ELK3: variants seen among roughly 807,000 people sequenced by gnomAD.
ELK3 encodes ETS transcription factor ELK3, also known as ETS domain-containing protein Elk-3.
ELK3 carries 10 observed loss-of-function variants against 28.9 expected under a neutral mutation model. The observed-to-expected ratio is 0.35, with a 90% CI of 0.21 to 0.59. The LOEUF is 0.59. ELK3 is among the 20% of genes least tolerant of loss of function. ELK3 has a pLI of 0.82. For missense variants in ELK3, 463 were observed against 517.3 expected (o/e 0.90, Z 1.02); for synonymous variants, 272 against 243.5 (o/e 1.12, Z -1.09).
intron 1 of ELK3, among the ~76,000 whole-genome samples, chr12:96,197,460 G>A (rs142558859): frequency 6.6e-6 from 1 of 152,186 alleles, no homozygotes; most frequent in African/African-American, 2.4e-5. Flanking sequence ...CACGCATTCA[G>A]TCAACAAATA....
At chr12:96,232,641 T>C (rs1951751029) in intron 2 of ELK3, among the ~76,000 whole-genome samples, 2 of 148,670 alleles carry the variant, frequency 1.3e-5, no homozygotes, top group East Asian at 4.0e-4. Context: ...GGGCGGGGAA[T>C]GCTCACACCT....
At chr12:96,221,225 A>G (rs1422006088) in intron 1 of ELK3, among the ~76,000 whole-genome samples, 1 of 152,212 alleles carries the variant, frequency 6.6e-6, no homozygotes, top group African/African-American at 2.4e-5. Flanking sequence ...TGCCCAGAAC[A>G]TGGTCTCTGA....
At chr12:96,223,944 C>G (rs1951681265) in intron 2 of ELK3, 171 bp downstream of exon 2, 1 of 674,302 alleles carries the variant, frequency 1.5e-6, no homozygotes, top group Admixed American at 2.8e-5. Flanking sequence ...TTTCCCCACC[C>G]TCTGGACGCC....
Position 96,246,949 on chromosome 12 carries a change from A to C in ELK3, c.217A>C (p.Lys73Gln). 5 of 1,595,836 alleles carry C rather than the reference A, an allele frequency of 3.1e-6. No homozygotes were observed. The highest frequency in any genetic ancestry group is 4.3e-6 in the Non-Finnish European group (5 of 1,169,044). Residue 73 changes from lysine (K) to glutamine (Q), a missense_variant, in exon 3 of 5, where the codon AAG becomes CAG. Around this residue, in one of 2 missense-constraint regions of ELK3, gnomAD observed 55 missense variants for 102.5 expected, o/e 0.54. Transcript: ENST00000228741. Reference sequence around the variant, plus strand: ...ACTTTTGTATTTGCAGAACATCATCAAGAAGGTGATCGGGCAGAAGTTTGT... The same window carrying C: ...ACTTTTGTATTTGCAGAACATCATCCAGAAGGTGATCGGGCAGAAGTTTGT... ...LRYYYDKNII[K>Q]KVIGQKFVYK...
chr12:96,226,487 C>T (rs1450585073), intron 2 of ELK3, among the ~76,000 whole-genome samples: 2 of 146,130 alleles, frequency 1.4e-5, no homozygotes, highest in Non-Finnish European at 3.0e-5. Context: ...CACATGCACA[C>T]AGAGATGTCC....
rs769599214 is a variant in ELK3 at position 96,247,486 on chromosome 12, C to T, written c.754C>T (p.Leu252Phe). The T allele has an allele frequency of 1.2e-6, 2 of 1,614,160 alleles. No individual in the cohort carries two copies. The highest frequency in any genetic ancestry group is 1.7e-6 in the Non-Finnish European group (2 of 1,180,032). ...CCCGTCCCTGTCCCCCAACTCACCC[C>T]TCCCTTCTGAACACAGAAGCCTCTT... ...RSPSLSPNSP[L>F]PSEHRSLFLE... The change falls in exon 3 of 5, where the codon CTC (leucine) becomes TTC (phenylalanine). Residue 252 changes from leucine (L) to phenylalanine (F), a missense_variant. Around this residue, in one of 2 missense-constraint regions of ELK3, gnomAD observed 408 missense variants for 414.8 expected, o/e 0.98. Transcript: ENST00000228741. The surrounding 1 kb of genome is among the most constrained non-coding windows in gnomAD (Gnocchi z 5.5).
chr12:96,251,707 C>T (rs1300190409), intron 3 of ELK3, among the ~76,000 whole-genome samples: 1 of 152,186 alleles, frequency 6.6e-6, no homozygotes, highest in Non-Finnish European at 1.5e-5. Context: ...CCACAACATT[C>T]CTTTCAGGCT....
At chr12:96,222,124 CT>C (rs1317234328) in intron 1 of ELK3, among the ~76,000 whole-genome samples, 9 of 152,218 alleles carry the variant, frequency 5.9e-5, no homozygotes, top group Non-Finnish European at 8.8e-5. Context: ...GTCTAACCAC[CT>C]TTTTTTAAAT....
intron 3 of ELK3, among the ~76,000 whole-genome samples, chr12:96,257,052 C>G (rs929413444): frequency 1.3e-5 from 2 of 152,256 alleles, no homozygotes; most frequent in Non-Finnish European, 2.9e-5. Context: ...AGCTCCTTAT[C>G]TGCCATGCTT....
At chr12:96,256,885 C>T (rs913720134) in intron 3 of ELK3, among the ~76,000 whole-genome samples, 3 of 152,020 alleles carry the variant, frequency 2.0e-5, no homozygotes, top group Non-Finnish European at 4.4e-5. Context: ...CTCACCCTGG[C>T]GAGCTCAGAT....
Position 96,267,109 on chromosome 12 carries a change from C to T in ELK3, c.1153C>T (p.Pro385Ser). The T allele has an allele frequency of 6.2e-7, 1 of 1,613,552 alleles. No individual in the cohort carries two copies. Among genetic ancestry groups the T allele is most frequent in the East Asian group, 2.2e-5 (1 of 44,872 alleles). ...CCCCACACTGCTTAATGGCCACATG[C>T]CAGTGCCAATCCCCAGTCTGGACAG... Reference protein sequence around the residue: ...QFPTLLNGHMPVPIPSLDRAA... With the variant: ...QFPTLLNGHMSVPIPSLDRAA... Residue 385 changes from proline to serine, a missense_variant, in exon 5 of 5, where the codon CCA (proline) becomes TCA (serine). Physicochemically the swap from Pro to Ser is moderately conservative, Grantham distance 74. This residue lies in a region of ELK3 where 408 missense variants were observed against 414.8 expected (regional missense o/e 0.98). Coordinates refer to ENST00000228741, the MANE Select transcript of ELK3 (RefSeq NM_005230.4).
chr12:96,254,379 T>C lies in ELK3; in HGVS notation c.1003-5352T>C, dbSNP rs1278208218. 3.3e-5 allele frequency among the ~76,000 whole-genome samples: 5 copies of C among 152,232 alleles called. No individual in the cohort carries two copies. In the East Asian group the frequency reaches 9.6e-4, roughly 29 times the overall value. ...AGAGGTATAAGTGAAAAAAATCTCATTAGAATCAACAAATAATTATTGAGC... is the reference window on the plus strand; with the variant it reads ...AGAGGTATAAGTGAAAAAAATCTCACTAGAATCAACAAATAATTATTGAGC... On this transcript the variant is annotated intron_variant, in intron 3 of 4. Transcript: ENST00000228741.
At chr12:96,210,417 C>T (rs1951567825) in intron 1 of ELK3, among the ~76,000 whole-genome samples, 1 of 152,194 alleles carries the variant, frequency 6.6e-6, no homozygotes, top group African/African-American at 2.4e-5. Context: ...GGGATTCCAG[C>T]CTGTCCCTAT....
intron 2 of ELK3, among the ~76,000 whole-genome samples, chr12:96,224,986 T>C (rs1453962627): frequency 6.6e-6 from 1 of 152,204 alleles, no homozygotes; most frequent in Non-Finnish European, 1.5e-5. Context: ...TTGCACGTGA[T>C]TGTGTCATTG....
intron 3 of ELK3, among the ~76,000 whole-genome samples, chr12:96,257,131 G>A (rs1951956236): frequency 6.6e-6 from 1 of 152,194 alleles, no homozygotes; most frequent in African/African-American, 2.4e-5. Context: ...TTTAGCCCTT[G>A]GCCCTCAGGC....
chr12:96,260,393 A>T (rs1230418571), intron 4 of ELK3, among the ~76,000 whole-genome samples: 2 of 152,248 alleles, frequency 1.3e-5, no homozygotes, highest in Non-Finnish European at 2.9e-5. Flanking sequence ...TGAAAATAAA[A>T]ATAGTGAACA....
Position 96,203,128 on chromosome 12 carries a change from G to A in ELK3, c.-3+8423G>A, listed in dbSNP as rs532268476. ...GAACTCCTGACCTCGTGATCCACCC[G>A]CCTCAGCTTCCCAAAGTGCTGGGAT... On this transcript the variant is annotated intron_variant, in intron 1 of 4. Transcript: ENST00000228741. 6.6e-5 allele frequency among the ~76,000 whole-genome samples: 10 copies of A among 152,176 alleles called. No homozygotes were observed. In the South Asian group the frequency reaches 1.0e-3, roughly 16 times the overall value.
At chr12:96,198,451 C>T (rs1951486377) in intron 1 of ELK3, among the ~76,000 whole-genome samples, 1 of 152,174 alleles carries the variant, frequency 6.6e-6, no homozygotes, top group Non-Finnish European at 1.5e-5. Context: ...TGACCCTTTC[C>T]TAAGGTTCTG....
chr12:96,225,726 C>G (rs1394636661), intron 2 of ELK3, among the ~76,000 whole-genome samples: 5 of 152,218 alleles, frequency 3.3e-5, no homozygotes, highest in Non-Finnish European at 7.3e-5. Flanking sequence ...CCAAAAGGCA[C>G]ACACACACCC....
Sources: allele counts gnomAD v4.1 joint callset (sites outside exome capture counted in the v4.1 genomes callset), GRCh38; gene constraint gnomAD v4.1.1; regional missense constraint gnomAD v4.1.1; non-coding constraint Gnocchi (gnomAD v3.1); transcripts MANE v1.5; gene names NCBI Gene and HGNC (gene_info 2026-07-23, HGNC 2026-07-21).